Variants in ABR observed in about 807,000 individuals in gnomAD.
The protein encoded by ABR is active breakpoint cluster region-related protein.
ABR carries 35 observed loss-of-function variants against 107.2 expected under a neutral mutation model. The ratio of observed to expected loss-of-function variants is 0.33; its 90% CI spans 0.25 to 0.43. ABR has a LOEUF of 0.43. Ranked by LOEUF, ABR falls within the 20% of genes least tolerant of loss-of-function variation. The pLI is 1.00. For synonymous variants in ABR, 498 were observed against 462.0 expected (o/e 1.08, Z -1.00); for missense variants, 815 against 1,115.2 (o/e 0.73, Z 3.83).
intron 10 of ABR, among the ~76,000 whole-genome samples, chr17:1,062,858 C>A (rs1405739261): frequency 2.8e-5 from 4 of 142,962 alleles, no homozygotes; most frequent in African/African-American, 1.0e-4. Flanking sequence ...GAGGGCTATG[C>A]ATGTTCCTCT....
chr17:1,184,314 G>T (rs2042225587), upstream of ABR, among the ~76,000 whole-genome samples: 2 of 152,118 alleles, frequency 1.3e-5, no homozygotes, highest in Non-Finnish European at 2.9e-5. Flanking sequence ...CATTAGCTGG[G>T]CATGGTGGCG....
intron 1 of ABR, among the ~76,000 whole-genome samples, chr17:1,213,952 A>G (rs2042951590): frequency 6.6e-6 from 1 of 151,966 alleles, no homozygotes; most frequent in Non-Finnish European, 1.5e-5. Context: ...CAATGGCACA[A>G]TCTCGGCTCA....
chr17:1,208,408 G>A lies in ABR; in HGVS notation c.838+20385C>T, dbSNP rs997269963. On this transcript the variant is annotated intron_variant, in intron 1 of 22. Transcript: ENST00000574139. Reference sequence around the variant, plus strand: ...ACAGCAGCAGCATGTGCTGCGTCTCGATCGGGTGATTCCCACACCATCACT... The same window carrying A: ...ACAGCAGCAGCATGTGCTGCGTCTCAATCGGGTGATTCCCACACCATCACT... 5.9e-5 allele frequency among the ~76,000 whole-genome samples: 9 copies of A among 152,292 alleles called. No homozygotes were observed. In the East Asian group the frequency reaches 9.7e-4, roughly 16 times the overall value.
At position 1,125,246 on chromosome 17, in the gene ABR, G is replaced by A. The variant is rs773223790; in HGVS notation, c.183C>T (p.Ser61=). Residue 61 remains serine (S), a synonymous_variant, in exon 2 of 23, where the codon AGC becomes AGT. Coordinates refer to ENST00000302538, the MANE Select transcript of ABR (RefSeq NM_021962.5). Reference sequence around the variant, plus strand: ...CATCCCCCCCGCCCTGGCTGCGGGCGCTGAGCTGCGGGGACATGGTGGGCG... The same window carrying A: ...CATCCCCCCCGCCCTGGCTGCGGGCACTGAGCTGCGGGGACATGGTGGGCG... ...DESPTMSPQL[S]ARSQGGGDGV... 34 of 1,612,116 alleles carry A rather than the reference G, an allele frequency of 2.1e-5. No homozygotes were observed. The highest frequency in any genetic ancestry group is 1.3e-4 in the Admixed American group (8 of 59,886).
In ABR at chr17:1,200,311, A is replaced by G. The variant is rs548877824; in HGVS notation, c.838+28482T>C. ...ACGCCTGTAATCCCAACACTTTCGG[A>G]CGATCGCTTGAAGCCAGGAGTTCAA... On this transcript the variant is annotated intron_variant, in intron 1 of 22. Coordinates refer to the ABR transcript ENST00000574139. The surrounding 1 kb of genome is among the most constrained non-coding windows in gnomAD (Gnocchi z 4.1). Among the ~76,000 whole-genome samples the G allele has an allele frequency of 1.1e-4, 17 of 152,232 alleles. No homozygotes were observed. In the South Asian group the frequency reaches 3.1e-3, roughly 28 times the overall value.
chr17:1,217,601 G>C (rs2043036955), intron 1 of ABR, among the ~76,000 whole-genome samples: 1 of 152,224 alleles, frequency 6.6e-6, no homozygotes, highest in Admixed American at 6.5e-5. Flanking sequence ...GGTGCAAAAA[G>C]GTTGAGGAAT....
intron 1 of ABR, among the ~76,000 whole-genome samples, chr17:1,141,772 T>C (rs1256104457): frequency 6.6e-6 from 1 of 151,930 alleles, no homozygotes; most frequent in Non-Finnish European, 1.5e-5. Context: ...TTCTTTTTTT[T>C]TTTGGAGACA....
chr17:1,044,303 C>T (rs2031209669), intron 16 of ABR, among the ~76,000 whole-genome samples: 1 of 152,324 alleles, frequency 6.6e-6, no homozygotes, highest in African/African-American at 2.4e-5. Context: ...CTCACCCTTG[C>T]TGGTGTCCAT....
chr17:1,095,917 A>G (rs573916634), intron 3 of ABR, among the ~76,000 whole-genome samples: 1 of 152,184 alleles, frequency 6.6e-6, no homozygotes, highest in African/African-American at 2.4e-5. Context: ...CCTGTTTTAT[A>G]GATAAAGAGC....
At chr17:1,039,226 C>T (rs924799606) in intron 16 of ABR, among the ~76,000 whole-genome samples, 9 of 152,074 alleles carry the variant, frequency 5.9e-5, no homozygotes, top group Admixed American at 1.3e-4. Flanking sequence ...GGGGAGCGGG[C>T]GCCAAGCCTG....
intron 16 of ABR, among the ~76,000 whole-genome samples, chr17:1,042,921 G>A (rs991854331): frequency 6.6e-6 from 1 of 152,184 alleles, no homozygotes; most frequent in African/African-American, 2.4e-5. Context: ...ACGGCATATG[G>A]GTGAAGCTCA....
At chr17:1,226,084 G>A (rs928513559) in intron 1 of ABR, among the ~76,000 whole-genome samples, 5 of 152,174 alleles carry the variant, frequency 3.3e-5, no homozygotes, top group Admixed American at 6.5e-5. Flanking sequence ...CTGCCTGCCT[G>A]GAGCTTGCGT....
At chr17:1,048,386 CA>C (rs1287440943) in intron 16 of ABR, among the ~76,000 whole-genome samples, 20 of 150,454 alleles carry the variant, frequency 1.3e-4, no homozygotes, top group African/African-American at 4.9e-4. Flanking sequence ...CACAGCTCCC[CA>C]GGGGCAATGC....
intron 9 of ABR, 32 bp from the exon 10 acceptor site, chr17:1,067,274 G>A: frequency 6.5e-7 from 1 of 1,540,060 alleles, no homozygotes; most frequent in Non-Finnish European, 8.7e-7. Flanking sequence ...CCATGAGCCA[G>A]AGGGAGCCTG....
At chr17:1,086,786 C>T (rs567289661) in intron 4 of ABR, among the ~76,000 whole-genome samples, 1 of 152,318 alleles carries the variant, frequency 6.6e-6, no homozygotes, top group Non-Finnish European at 1.5e-5. Context: ...CGGGCGTGAG[C>T]CACCACGCCT....
chr17:1,187,226 A>G (rs1020158781), exon 1 of ABR: 4 of 152,500 alleles, frequency 2.6e-5, no homozygotes, highest in East Asian at 1.9e-4. Flanking sequence ...GGCGCCTGCC[A>G]TCAGTGGAGC....
Position 1,072,603 on chromosome 17 carries a change from T to C in ABR, c.894+11A>G. ...GCCTGGGTGAGGGGCCGTGCCGGGC[T>C]CTGAGCTCACCTCCCCCTTGGGCGT... On this transcript the variant is annotated intron_variant, in intron 8 of 22. Coordinates refer to ENST00000302538, the MANE Select transcript of ABR (RefSeq NM_021962.5). 6.2e-7 allele frequency: 1 copy of C among 1,601,150 alleles called. No individual in the cohort carries two copies. Among genetic ancestry groups the C allele is most frequent in the Non-Finnish European group, 8.5e-7 (1 of 1,174,594 alleles).
At chr17:1,112,596 T>TGAGG (rs886705156) in intron 2 of ABR, among the ~76,000 whole-genome samples, 2,173 of 111,170 alleles carry the variant, frequency 0.02, 68 homozygotes, top group African/African-American at 0.078. Flanking sequence ...GACTCTGTCT[T>TGAGG]GAGGGAGGGA....
In ABR at chr17:1,022,120, A is replaced by AACAAAAAAAAC. The variant is rs1555534387; in HGVS notation, c.1792-8957_1792-8956insGTTTTTTTTGT. On this transcript the variant is annotated intron_variant, in intron 16 of 22. Transcript: ENST00000302538. ...AGACTCTGTCTCAAAAAAAAAAAAA[A>AACAAAAAAAAC]AAAAACAGAAAATGACTCCAGAAGG... is the stretch of plus-strand genomic sequence containing the variant. Among the ~76,000 whole-genome samples, 59 of 118,396 alleles carry AACAAAAAAAAC rather than the reference A, an allele frequency of 5.0e-4. 1 individual carries two copies. The highest frequency in any genetic ancestry group is 2.0e-3 in the African/African-American group (56 of 27,378). The allele number at this position is 118,396 out of a possible 152,430, so 77.7% of individuals were successfully genotyped here.
Sources: gnomAD v4.1 joint callset for allele counts (sites outside exome capture counted in the v4.1 genomes callset) on GRCh38, gnomAD v4.1.1 for gene constraint, Gnocchi (gnomAD v3.1) non-coding constraint, MANE v1.5 for transcripts, NCBI Gene and HGNC (gene_info 2026-07-23, HGNC 2026-07-21) for gene names.